SNTB1: variants seen among roughly 807,000 people sequenced by gnomAD.
The protein encoded by SNTB1 is beta-1-syntrophin.
SNTB1 carries 36 observed loss-of-function variants against 48.9 expected under a neutral mutation model. That is an observed-to-expected ratio of 0.74 (90% confidence interval 0.56 to 0.97). The LOEUF (loss-of-function observed/expected upper bound fraction) is 0.97, where lower values mean the gene tolerates loss of function less well. Ranked by LOEUF, SNTB1 falls within the 50% of genes least tolerant of loss-of-function variation. The pLI is 0.00. For synonymous variants in SNTB1, 299 were observed against 294.6 expected (o/e 1.01, Z -0.15); for missense variants, 786 against 703.4 (o/e 1.12, Z -1.33).
At chr8:120,725,356 C>A (rs971549117) in intron 1 of SNTB1, among the ~76,000 whole-genome samples, 2 of 152,206 alleles carry the variant, frequency 1.3e-5, no homozygotes, top group Admixed American at 1.3e-4. Flanking sequence ...CTGTATCAAT[C>A]TCTCTGCCCT....
chr8:120,606,603 G>A (rs189460317), intron 3 of SNTB1, among the ~76,000 whole-genome samples: 1 of 152,154 alleles, frequency 6.6e-6, no homozygotes, highest in Admixed American at 6.5e-5. Flanking sequence ...ATTTCCACCC[G>A]CAGGTACAAT....
intron 1 of SNTB1, among the ~76,000 whole-genome samples, chr8:120,789,308 A>C (rs1182308039): frequency 6.6e-6 from 1 of 151,968 alleles, no homozygotes; most frequent in Admixed American, 6.6e-5. Flanking sequence ...AAAAATTGAT[A>C]ATCTAATGTC....
At chr8:120,783,922 T>C (rs568681371) in intron 1 of SNTB1, among the ~76,000 whole-genome samples, 2 of 152,364 alleles carry the variant, frequency 1.3e-5, no homozygotes, top group East Asian at 1.9e-4. Context: ...GTATTATAAG[T>C]AATCTAGAAA....
At chr8:120,559,435 T>C (rs188514751) in intron 4 of SNTB1, among the ~76,000 whole-genome samples, 67 of 152,336 alleles carry the variant, frequency 4.4e-4, no homozygotes, top group African/African-American at 1.5e-3. Flanking sequence ...AAATAATTTA[T>C]AAAATGTCTT....
intron 2 of SNTB1, among the ~76,000 whole-genome samples, chr8:120,653,761 C>G (rs1038940653): frequency 1.3e-5 from 2 of 151,920 alleles, no homozygotes; most frequent in Non-Finnish European, 2.9e-5. Flanking sequence ...TTCTTAGGGC[C>G]GGGTGCTGTG....
intron 2 of SNTB1, among the ~76,000 whole-genome samples, chr8:120,692,185 G>C (rs926821996): frequency 6.6e-6 from 1 of 152,140 alleles, no homozygotes; most frequent in Non-Finnish European, 1.5e-5. Context: ...CAGCTGGCCA[G>C]AGCCAGAAGG....
chr8:120,655,114 C>T (rs1817477349), intron 2 of SNTB1: 1 of 299,344 alleles, frequency 3.3e-6, no homozygotes, highest in Non-Finnish European at 6.7e-6. Flanking sequence ...GTTTTTATTT[C>T]CACCTTTCTG....
At chr8:120,786,044 C>A (rs952859483) in intron 1 of SNTB1, among the ~76,000 whole-genome samples, 1 of 152,348 alleles carries the variant, frequency 6.6e-6, no homozygotes, top group East Asian at 1.9e-4. Context: ...ACACAATCTA[C>A]GTGACTTCCC....
At chr8:120,801,732 T>C (rs1053930756) in intron 1 of SNTB1, among the ~76,000 whole-genome samples, 3 of 152,122 alleles carry the variant, frequency 2.0e-5, no homozygotes, top group Non-Finnish European at 2.9e-5. Context: ...TGGATGGACA[T>C]AGAGTTCTTC....
intron 1 of SNTB1, among the ~76,000 whole-genome samples, chr8:120,719,660 C>T (rs141903902): frequency 0.016 from 2,417 of 152,216 alleles, 66 homozygotes; most frequent in African/African-American, 0.055. Context: ...TTGGCTTCCC[C>T]CAAAAGCAGA....
At chr8:120,564,773 G>A (rs956743681) in intron 4 of SNTB1, among the ~76,000 whole-genome samples, 12 of 151,714 alleles carry the variant, frequency 7.9e-5, no homozygotes, top group Non-Finnish European at 1.5e-4. Flanking sequence ...GTTTCACCAC[G>A]TTGGTCAGGC....
intron 4 of SNTB1, among the ~76,000 whole-genome samples, chr8:120,567,180 G>A (rs558893505): frequency 2.0e-5 from 3 of 152,224 alleles, no homozygotes; most frequent in South Asian, 4.2e-4. Context: ...GGTTGAATGC[G>A]GTAACCCTGA....
At chr8:120,590,308 A>G (rs1816218757) in intron 3 of SNTB1, among the ~76,000 whole-genome samples, 1 of 152,186 alleles carries the variant, frequency 6.6e-6, no homozygotes, top group Non-Finnish European at 1.5e-5. Context: ...GGTGGCCAAC[A>G]TGCTCCTTGC....
At chr8:120,690,744 T>C (rs1052525123) in intron 2 of SNTB1, among the ~76,000 whole-genome samples, 2 of 152,212 alleles carry the variant, frequency 1.3e-5, no homozygotes, top group African/African-American at 4.8e-5. Context: ...GTTTTGCAGA[T>C]TCCACATTTC....
At chr8:120,641,282 C>T (rs982778063) in intron 2 of SNTB1, among the ~76,000 whole-genome samples, 1 of 152,108 alleles carries the variant, frequency 6.6e-6, no homozygotes, top group Non-Finnish European at 1.5e-5. Flanking sequence ...TTCTTTAAAA[C>T]TTTATTTTTA....
At chr8:120,712,676 T>C (rs1194870766) in intron 1 of SNTB1, among the ~76,000 whole-genome samples, 2 of 152,148 alleles carry the variant, frequency 1.3e-5, no homozygotes, top group African/African-American at 4.8e-5. Flanking sequence ...CCACAGGGGC[T>C]TTTATTTACC....
intron 2 of SNTB1, among the ~76,000 whole-genome samples, chr8:120,678,441 G>T (rs1430616831): frequency 6.6e-6 from 1 of 152,150 alleles, no homozygotes; most frequent in Non-Finnish European, 1.5e-5. Flanking sequence ...GAGCTAAGCT[G>T]CCCTGTTCTC....
At chr8:120,698,046 A>G (rs1818240253) in intron 1 of SNTB1, among the ~76,000 whole-genome samples, 2 of 152,196 alleles carry the variant, frequency 1.3e-5, no homozygotes, top group Non-Finnish European at 2.9e-5. Context: ...GCCCTTGGAA[A>G]GGTAAGGTAT....
At chr8:120,738,017 C>A (rs1818977935) in intron 1 of SNTB1, among the ~76,000 whole-genome samples, 1 of 152,122 alleles carries the variant, frequency 6.6e-6, no homozygotes, top group Non-Finnish European at 1.5e-5. Flanking sequence ...TATTGAAATC[C>A]TAACTCCCAG....
Sources: allele counts gnomAD v4.1 joint callset (sites outside exome capture counted in the v4.1 genomes callset), GRCh38; gene constraint gnomAD v4.1.1; transcripts MANE v1.5; gene names NCBI Gene and HGNC (gene_info 2026-07-23, HGNC 2026-07-21).